Variants in ITPRID1 observed in about 807,000 individuals in gnomAD.
ITPRID1 encodes the protein protein ITPRID1.
Under a neutral mutation model 95.4 loss-of-function variants are expected in ITPRID1, and 96 were observed. That is an observed-to-expected ratio of 1.01 (90% CI 0.85 to 1.19). The LOEUF (loss-of-function observed/expected upper bound fraction) is 1.19. ITPRID1 is among the 50% of genes most tolerant of loss of function. The pLI is 0.00. For synonymous variants in ITPRID1, 510 were observed against 453.6 expected, an observed-to-expected ratio of 1.12 and a Z score of -1.58; for missense variants, 1,339 against 1,252.9, an observed-to-expected ratio of 1.07 and a Z score of -1.04.
intron 1 of ITPRID1, among the ~76,000 whole-genome samples, chr7:31,519,608 C>CTATATA (rs1783157413): frequency 5.5e-5 from 3 of 54,696 alleles, no homozygotes; most frequent in Non-Finnish European, 7.1e-5. Flanking sequence ...CTCTCTCTCT[C>CTATATA]TCTCTCTCTC....
intron 12 of ITPRID1, among the ~76,000 whole-genome samples, chr7:31,645,697 C>G (rs1161165852): frequency 1.3e-5 from 2 of 152,134 alleles, no homozygotes; most frequent in Non-Finnish European, 2.9e-5. Context: ...TAATTTCCCA[C>G]CCCTGAACTC....
intron 10 of ITPRID1, among the ~76,000 whole-genome samples, chr7:31,639,741 T>C (rs1789850181): frequency 1.3e-5 from 2 of 152,016 alleles, no homozygotes; most frequent in Non-Finnish European, 2.9e-5. Context: ...TTTCACTGTG[T>C]TAGCCAGGCT....
rs757505766 is a variant in ITPRID1 at position 31,554,425 on chromosome 7, T to C, written c.164-50T>C. The C allele has an allele frequency of 1.1e-5, 18 of 1,593,966 alleles. No homozygotes were observed. The Middle Eastern group carries it at 9.9e-4, about 88-fold the overall frequency. On this transcript the variant is annotated intron_variant, in intron 3 of 14. Transcript: ENST00000615280. ...CGGCTGAGTAAACAGGGTAGCATCC[T>C]TTTAGCTGGTTGTGCTTTGACTAAC...
chr7:31,535,896 C>G (rs961938510), intron 1 of ITPRID1, among the ~76,000 whole-genome samples: 19 of 151,804 alleles, frequency 1.3e-4, no homozygotes, highest in African/African-American at 4.6e-4. Flanking sequence ...TCTTTGTCTT[C>G]TAGATACTTT....
chr7:31,592,652 C>A (rs956423943), intron 10 of ITPRID1, among the ~76,000 whole-genome samples: 10 of 152,154 alleles, frequency 6.6e-5, no homozygotes, highest in African/African-American at 2.2e-4. Context: ...AGAATTTGTA[C>A]TCTTGTGAGA....
chr7:31,576,057 T>C (rs1188031956), intron 8 of ITPRID1, among the ~76,000 whole-genome samples: 1 of 152,202 alleles, frequency 6.6e-6, no homozygotes, highest in African/African-American at 2.4e-5. Flanking sequence ...TACCAATATT[T>C]GAATAGCATT....
intron 10 of ITPRID1, among the ~76,000 whole-genome samples, chr7:31,600,524 A>G (rs1405539777): frequency 2.0e-5 from 3 of 152,236 alleles, no homozygotes; most frequent in Non-Finnish European, 4.4e-5. Context: ...TCATAAAGTA[A>G]AATGTATGCT....
At chr7:31,565,137 G>C (rs536387938) in intron 5 of ITPRID1, among the ~76,000 whole-genome samples, 12 of 152,208 alleles carry the variant, frequency 7.9e-5, no homozygotes, top group Non-Finnish European at 1.8e-4. Flanking sequence ...CTAAATGTTG[G>C]AAAAAGCTAT....
In ITPRID1 at chr7:31,572,189, G is replaced by T. The variant is rs1211745003; in HGVS notation, c.395+1G>T. 6.3e-7 allele frequency: 1 copy of T among 1,592,678 alleles called. No homozygotes were observed. Among genetic ancestry groups the T allele is most frequent in the Non-Finnish European group, 8.6e-7 (1 of 1,162,574 alleles). Reference sequence around the variant, plus strand: ...ATTCTACTGCAAGTGTACCACAAAGGTATGTAATTTCCAGGTGCTTTTCAT... The same window carrying T: ...ATTCTACTGCAAGTGTACCACAAAGTTATGTAATTTCCAGGTGCTTTTCAT... On this transcript the variant is annotated splice_donor_variant, in intron 7 of 14. Coordinates refer to ENST00000615280, the MANE Select transcript of ITPRID1 (RefSeq NM_001257967.3). LOFTEE classifies it high-confidence loss of function.
intron 10 of ITPRID1, among the ~76,000 whole-genome samples, chr7:31,616,346 T>C (rs1787226881): frequency 6.6e-6 from 1 of 152,152 alleles, no homozygotes; most frequent in Non-Finnish European, 1.5e-5. Context: ...TTGGGTCCTA[T>C]TGATTTCAAT....
intron 5 of ITPRID1, among the ~76,000 whole-genome samples, chr7:31,560,747 T>C (rs572112524): frequency 1.3e-5 from 2 of 152,274 alleles, no homozygotes; most frequent in East Asian, 3.9e-4. Context: ...GATAGGAAGT[T>C]CAATTTTAGG....
intron 10 of ITPRID1, among the ~76,000 whole-genome samples, chr7:31,607,854 A>G (rs1387384210): frequency 6.6e-6 from 1 of 151,794 alleles, no homozygotes; most frequent in Non-Finnish European, 1.5e-5. Flanking sequence ...AGACTTTCTC[A>G]GTTTATCTTC....
chr7:31,554,574 A>G (rs987963583), intron 4 of ITPRID1, 51 bp downstream of exon 4: 4 of 1,604,846 alleles, frequency 2.5e-6, no homozygotes, highest in Non-Finnish European at 2.6e-6. Context: ...GCAAAGATCC[A>G]TGAAAACAAT....
intron 9 of ITPRID1, among the ~76,000 whole-genome samples, chr7:31,581,833 ACT>A (rs1235754731): frequency 1.3e-5 from 2 of 152,162 alleles, no homozygotes; most frequent in Non-Finnish European, 2.9e-5. Flanking sequence ...TGTGATGTGC[ACT>A]GACTTCAGTT....
downstream of ITPRID1, chr7:31,658,192 G>A (rs188750049): frequency 3.9e-5 from 51 of 1,301,106 alleles, no homozygotes; most frequent in Middle Eastern, 1.9e-4. Context: ...AAGGATATTC[G>A]TTTTTTAGCC....
At chr7:31,564,110 A>G (rs1256249628) in intron 5 of ITPRID1, among the ~76,000 whole-genome samples, 1 of 152,212 alleles carries the variant, frequency 6.6e-6, no homozygotes, top group Non-Finnish European at 1.5e-5. Flanking sequence ...TAGGAAAACC[A>G]AAATAAAAAA....
At chr7:31,583,461 A>G (rs751178348) in intron 10 of ITPRID1, among the ~76,000 whole-genome samples, 3 of 152,034 alleles carry the variant, frequency 2.0e-5, no homozygotes, top group Non-Finnish European at 2.9e-5. Context: ...CCTCATTTCT[A>G]CTAAAAATAC....
intron 10 of ITPRID1, among the ~76,000 whole-genome samples, chr7:31,617,414 A>T (rs1243960889): frequency 6.6e-6 from 1 of 152,222 alleles, no homozygotes; most frequent in Non-Finnish European, 1.5e-5. Context: ...CAAGAGAGTC[A>T]TTGAAATAAT....
intron 5 of ITPRID1, among the ~76,000 whole-genome samples, chr7:31,567,088 GTTCTGA>G (rs920189260): frequency 7.9e-5 from 12 of 152,140 alleles, no homozygotes; most frequent in South Asian, 2.1e-4. Context: ...AAAGACTGGT[GTTCTGA>G]TTCTAAGTTC....
Sources: gnomAD v4.1 joint callset for allele counts (sites outside exome capture counted in the v4.1 genomes callset) on GRCh38, gnomAD v4.1.1 for gene constraint, MANE v1.5 for transcripts, NCBI Gene and HGNC (gene_info 2026-07-23, HGNC 2026-07-21) for gene names.